Variants in MCCC1 observed in about 807,000 individuals in gnomAD.
The protein encoded by MCCC1 is methylcrotonoyl-CoA carboxylase subunit alpha, mitochondrial.
MCCC1 carries 64 observed loss-of-function variants against 83.8 expected under a neutral mutation model. The ratio of observed to expected loss-of-function variants is 0.76; its 90% CI spans 0.62 to 0.94. MCCC1 has a LOEUF of 0.94. Ranked by LOEUF, MCCC1 falls within the 40% of genes least tolerant of loss-of-function variation. The pLI, the probability that MCCC1 is intolerant of heterozygous loss-of-function variation, is 0.00. For synonymous variants in MCCC1, 322 were observed against 315.4 expected (o/e 1.02, Z -0.22); for missense variants, 807 against 904.7 (o/e 0.89, Z 1.39).
intron 8 of MCCC1, among the ~76,000 whole-genome samples, chr3:183,055,268 C>G (rs764301152): frequency 6.6e-6 from 1 of 150,562 alleles, no homozygotes; most frequent in South Asian, 2.1e-4. Flanking sequence ...AAAAATTAGC[C>G]GGGTGTGGTG....
At chr3:183,076,790 C>T (rs1717108996) in intron 4 of MCCC1, among the ~76,000 whole-genome samples, 1 of 152,114 alleles carries the variant, frequency 6.6e-6, no homozygotes, top group Non-Finnish European at 1.5e-5. Flanking sequence ...TTAGTATACT[C>T]AAAGTCGCAC....
chr3:183,095,316 CT>C (rs1204017321), intron 1 of MCCC1, among the ~76,000 whole-genome samples: 1 of 151,972 alleles, frequency 6.6e-6, no homozygotes, highest in Non-Finnish European at 1.5e-5. Flanking sequence ...GAACAAAACT[CT>C]TTTGGTTCTT....
intron 1 of MCCC1, among the ~76,000 whole-genome samples, chr3:183,097,260 G>A (rs963358105): frequency 2.7e-4 from 41 of 151,246 alleles, no homozygotes; most frequent in Non-Finnish European, 5.2e-4. Context: ...AAAAAAAAAA[G>A]AAGCTGCTTC....
At chr3:183,028,573 G>A (rs1188864185) in intron 14 of MCCC1, among the ~76,000 whole-genome samples, 1 of 152,198 alleles carries the variant, frequency 6.6e-6, no homozygotes, top group African/African-American at 2.4e-5. Flanking sequence ...TTCATGGAAG[G>A]AGGTCGAATT....
intron 1 of MCCC1, among the ~76,000 whole-genome samples, chr3:183,107,008 CA>C (rs1238358512): frequency 3.3e-5 from 5 of 152,036 alleles, no homozygotes; most frequent in African/African-American, 9.7e-5. Context: ...GAGATTTTAT[CA>C]CTTGCCCACA....
At chr3:183,076,652 C>T (rs1483743946) in intron 4 of MCCC1, among the ~76,000 whole-genome samples, 1 of 152,158 alleles carries the variant, frequency 6.6e-6, no homozygotes, top group Non-Finnish European at 1.5e-5. Flanking sequence ...CATATCCCTG[C>T]CCACATGTTG....
chr3:183,035,334 G>T (rs985329289), intron 13 of MCCC1, among the ~76,000 whole-genome samples: 1 of 152,096 alleles, frequency 6.6e-6, no homozygotes, highest in African/African-American at 2.4e-5. Flanking sequence ...TTCTAAAGAT[G>T]CAGTTTTCGG....
rs952738286 is a variant in MCCC1 at position 183,071,021 on chromosome 3, C to T, written c.739G>A (p.Glu247Lys). The T allele has an allele frequency of 5.6e-6, 9 of 1,614,062 alleles. No individual in the cohort carries two copies. Among genetic ancestry groups the T allele is most frequent in the South Asian group, 5.5e-5 (5 of 91,062 alleles). ...KSFNDDAMLI[E>K]KFVDTPRHVE... is the part of the protein sequence containing the mutation. The stretch of plus-strand genomic sequence containing the variant: ...CACCTCGGTGTGTCTACAAACTTCT[C>T]GATCAGCATAGCATCATCATTGAAA... Residue 247 changes from glutamate to lysine, a missense_variant, in exon 7 of 19, where the codon GAG becomes AAG. Physicochemically the swap from Glu to Lys is moderately conservative, Grantham distance 56 (BLOSUM62 1). Coordinates refer to ENST00000265594, the MANE Select transcript of MCCC1 (RefSeq NM_020166.5).
intron 4 of MCCC1, among the ~76,000 whole-genome samples, chr3:183,081,162 A>C (rs1348541968): frequency 6.6e-6 from 1 of 152,226 alleles, no homozygotes; most frequent in Non-Finnish European, 1.5e-5. Flanking sequence ...TAATATAACC[A>C]AACCATGATG....
chr3:183,043,244 G>A (rs759175534), intron 10 of MCCC1, among the ~76,000 whole-genome samples: 9 of 152,208 alleles, frequency 5.9e-5, no homozygotes, highest in Non-Finnish European at 1.2e-4. Flanking sequence ...GAGCTATCAC[G>A]CCATTGCACT....
chr3:183,050,987 C>G (rs1714934400), intron 9 of MCCC1, among the ~76,000 whole-genome samples: 1 of 152,032 alleles, frequency 6.6e-6, no homozygotes, highest in African/African-American at 2.4e-5. Flanking sequence ...AATGAGATAC[C>G]AAATGGCCTG....
chr3:183,058,665 C>T (rs2108507534), intron 7 of MCCC1, among the ~76,000 whole-genome samples: 1 of 152,144 alleles, frequency 6.6e-6, no homozygotes, highest in South Asian at 2.1e-4. Flanking sequence ...AAGGTAATTA[C>T]ATGTTGATTA....
At chr3:183,079,473 T>A (rs1262003952) in intron 4 of MCCC1, among the ~76,000 whole-genome samples, 3 of 152,232 alleles carry the variant, frequency 2.0e-5, no homozygotes, top group African/African-American at 7.2e-5. Context: ...ATGTCTCGCA[T>A]CTGGATCACA....
At position 183,113,917 on chromosome 3, in the gene MCCC1, T is replaced by TG. The variant is rs1248865230; in HGVS notation, c.-102+1556dup. 9.9e-5 allele frequency among the ~76,000 whole-genome samples: 15 copies of TG among 152,004 alleles called. No homozygotes were observed. The South Asian group carries it at 1.3e-3, about 13-fold the overall frequency. On this transcript the variant is annotated intron_variant, in intron 1 of 17. Transcript: ENST00000492597. ...GTGCAGAGCGGGTGGGGAGCTGTCT[T>TG]GGGGGGTGAGCCCTCAACCCGTGGG...
At chr3:183,035,728 G>A (rs1713522400) in intron 13 of MCCC1, among the ~76,000 whole-genome samples, 1 of 151,984 alleles carries the variant, frequency 6.6e-6, no homozygotes, top group Admixed American at 6.6e-5. Context: ...GAGAAAAATA[G>A]ATCAGATTTT....
At position 183,072,507 on chromosome 3, in the gene MCCC1, T is replaced by TA. The variant is rs760197817; in HGVS notation, c.370-21dup. 1.2e-6 allele frequency: 2 copies of TA among 1,612,536 alleles called. No homozygotes were observed. The highest frequency in any genetic ancestry group is 1.1e-5 in the South Asian group (1 of 91,024). ...GATAGCCTAGAAATGAGAAATAAAA[T>TA]AAAAAATTTACTCATCAGTGCTCAA... On this transcript the variant is annotated intron_variant, in intron 4 of 18. Transcript: ENST00000265594.
At chr3:183,099,059 G>A (rs955193822) in intron 1 of MCCC1, 5 of 554,172 alleles carry the variant, frequency 9.0e-6, no homozygotes, top group African/African-American at 1.9e-5. Context: ...GAGCTGCAGC[G>A]ACGGCGAGGG....
chr3:183,110,444 A>C (rs958169671), intron 1 of MCCC1, among the ~76,000 whole-genome samples: 3 of 145,202 alleles, frequency 2.1e-5, no homozygotes, highest in African/African-American at 7.8e-5. Flanking sequence ...CCCAGGCTGG[A>C]GTGCAGTGCC....
upstream of MCCC1, among the ~76,000 whole-genome samples, chr3:183,101,052 C>T (rs1038513099): frequency 1.3e-5 from 2 of 152,260 alleles, no homozygotes; most frequent in Non-Finnish European, 2.9e-5. Context: ...CCAGTGGCTG[C>T]GGAGGGTGTA....
Sources: allele counts gnomAD v4.1 joint callset (sites outside exome capture counted in the v4.1 genomes callset), GRCh38; gene constraint gnomAD v4.1.1; transcripts MANE v1.5; gene names NCBI Gene and HGNC (gene_info 2026-07-23, HGNC 2026-07-21).